The following GALNT13 variants were observed in gnomAD, a reference collection of about 807,000 sequenced individuals.
GALNT13 encodes the protein polypeptide N-acetylgalactosaminyltransferase 13, also known as UDP-GalNAc:polypeptide N-acetylgalactosaminyltransferase 13.
In GALNT13, 28 loss-of-function variants were observed where a neutral mutation model predicts 64.2. The ratio of observed to expected loss-of-function variants is 0.44; its 90% CI spans 0.32 to 0.60. GALNT13 has a LOEUF of 0.60. Ranked by LOEUF, GALNT13 falls within the 20% of genes least tolerant of loss-of-function variation. The pLI is 0.05. For missense variants in GALNT13, 577 were observed against 669.8 expected (o/e 0.86, Z 1.53); for synonymous variants, 214 against 224.6 (o/e 0.95, Z 0.42).
intron 4 of GALNT13, among the ~76,000 whole-genome samples, chr2:154,170,294 C>T (rs1212407403): frequency 1.3e-5 from 2 of 152,120 alleles, no homozygotes; most frequent in Non-Finnish European, 2.9e-5. Context: ...CAGAAACACC[C>T]TCACAGATAT....
At chr2:154,374,736 T>G (rs1252781209) in intron 9 of GALNT13, among the ~76,000 whole-genome samples, 1 of 152,152 alleles carries the variant, frequency 6.6e-6, no homozygotes, top group Non-Finnish European at 1.5e-5. Flanking sequence ...GAAGTGTTGA[T>G]TCCATATTGA....
intron 8 of GALNT13, among the ~76,000 whole-genome samples, chr2:154,265,906 A>G (rs1690969381): frequency 6.6e-6 from 1 of 152,244 alleles, no homozygotes. Flanking sequence ...TGTCAAATAA[A>G]TAATATATCT....
At chr2:153,863,069 G>A in the GALNT13 span, among the ~76,000 whole-genome samples, 1 of 152,012 alleles carries the variant, frequency 6.6e-6, no homozygotes, top group Non-Finnish European at 1.5e-5. Flanking sequence ...TGGGATGCAG[G>A]ACCAAAATTT....
chr2:154,092,390 G>T (rs1405288885), intron 3 of GALNT13, among the ~76,000 whole-genome samples: 1 of 152,016 alleles, frequency 6.6e-6, no homozygotes, highest in Non-Finnish European at 1.5e-5. Context: ...TGTCATTTTT[G>T]AAGGTATTTT....
At chr2:153,158,828 C>A in the GALNT13 span, 1 of 152,188 alleles carries the variant, frequency 6.6e-6, no homozygotes, top group Non-Finnish European at 1.5e-5. Flanking sequence ...TTAAATTGAG[C>A]TGAGACAGAA....
chr2:153,473,089 C>T, the GALNT13 span, among the ~76,000 whole-genome samples: 3 of 151,868 alleles, frequency 2.0e-5, no homozygotes, highest in East Asian at 3.9e-4. Flanking sequence ...ATGTAGATGA[C>T]GGACCGATGG....
chr2:153,645,510 G>A, the GALNT13 span, among the ~76,000 whole-genome samples: 1 of 152,014 alleles, frequency 6.6e-6, no homozygotes, highest in African/African-American at 2.4e-5. Flanking sequence ...TTGGCTTAGA[G>A]AAAAATTAAA....
At chr2:153,837,540 A>C in the GALNT13 span, among the ~76,000 whole-genome samples, 1 of 152,064 alleles carries the variant, frequency 6.6e-6, no homozygotes, top group Non-Finnish European at 1.5e-5. Context: ...TCCACTTAGC[A>C]TAATGTTTTC....
the GALNT13 span, among the ~76,000 whole-genome samples, chr2:153,667,811 C>T: frequency 2.6e-5 from 4 of 152,216 alleles, no homozygotes; most frequent in East Asian, 1.9e-4. Flanking sequence ...AAATTCTCCA[C>T]TTTAAAAGAC....
chr2:153,316,099 CA>C, the GALNT13 span, among the ~76,000 whole-genome samples: 3 of 145,364 alleles, frequency 2.1e-5, no homozygotes, highest in Non-Finnish European at 4.6e-5. Context: ...TAGTGTAAAA[CA>C]AAAGGACTGA....
At chr2:153,092,398 G>A in the GALNT13 span, among the ~76,000 whole-genome samples, 1 of 152,050 alleles carries the variant, frequency 6.6e-6, no homozygotes, top group Non-Finnish European at 1.5e-5. Context: ...TATTTTGATA[G>A]GGATTACATT....
chr2:153,486,658 A>C, the GALNT13 span, among the ~76,000 whole-genome samples: 1 of 152,216 alleles, frequency 6.6e-6, no homozygotes, highest in Non-Finnish European at 1.5e-5. Context: ...AAAGCATGTA[A>C]TAACTCACCC....
chr2:153,872,005 G>C lies in GALNT13; in HGVS notation c.-475G>C, dbSNP rs1020444410. On this transcript the variant is annotated 5_prime_UTR_variant, in exon 1 of 13. Transcript: ENST00000392825. The stretch of plus-strand genomic sequence containing the variant: ...GGGCGCCTCCTCGGCCTCAGCGTCC[G>C]CTCTGGCCGCGCTCGAGGAGCCCTT... 1.3e-5 allele frequency: 2 copies of C among 152,232 alleles called. No individual in the cohort carries two copies. Among genetic ancestry groups the C allele is most frequent in the African/African-American group, 4.8e-5 (2 of 41,454 alleles). The allele number at this position is 152,232 out of a possible 1,614,324, so 9.4% of individuals were successfully genotyped here. A position where few individuals can be genotyped will look rare whatever the true frequency, so the allele number is the denominator to read the frequency against.
chr2:153,647,430 A>T, the GALNT13 span, among the ~76,000 whole-genome samples: 1 of 152,054 alleles, frequency 6.6e-6, no homozygotes, highest in Admixed American at 6.6e-5. Flanking sequence ...GTTCACTCTG[A>T]TGGTAGTTTC....
the GALNT13 span, among the ~76,000 whole-genome samples, chr2:153,838,451 T>C: frequency 6.6e-6 from 1 of 151,924 alleles, no homozygotes; most frequent in Non-Finnish European, 1.5e-5. Flanking sequence ...GGTCCAATTT[T>C]ATTGGATATA....
chr2:153,918,470 A>G (rs1689541856), intron 2 of GALNT13, among the ~76,000 whole-genome samples: 1 of 152,058 alleles, frequency 6.6e-6, no homozygotes. Flanking sequence ...CTACTCCCCT[A>G]TGCTCTAACC....
chr2:153,469,221 A>G, the GALNT13 span, among the ~76,000 whole-genome samples: 1 of 152,104 alleles, frequency 6.6e-6, no homozygotes, highest in African/African-American at 2.4e-5. Flanking sequence ...GAGATGCTTT[A>G]CTGAGAACAC....
chr2:153,340,932 A>G, the GALNT13 span, among the ~76,000 whole-genome samples: 3 of 152,316 alleles, frequency 2.0e-5, no homozygotes, highest in African/African-American at 4.8e-5. Context: ...TCATCCAGGT[A>G]TGACTAGTTA....
chr2:153,280,649 A>C, the GALNT13 span, among the ~76,000 whole-genome samples: 1 of 152,138 alleles, frequency 6.6e-6, no homozygotes, highest in Non-Finnish European at 1.5e-5. Context: ...TAAGCTGTTT[A>C]ATTTTCATAT....
Sources: allele counts gnomAD v4.1 joint callset (sites outside exome capture counted in the v4.1 genomes callset), GRCh38; gene constraint gnomAD v4.1.1; transcripts MANE v1.5; gene names NCBI Gene and HGNC (gene_info 2026-07-23, HGNC 2026-07-21).